The following KY variants were observed in gnomAD, a reference collection of about 807,000 sequenced individuals.
The protein encoded by KY is kyphoscoliosis peptidase.
In KY, 43 loss-of-function variants were observed where a neutral mutation model predicts 76.1. The ratio of observed to expected loss-of-function variants is 0.57; its 90% CI spans 0.44 to 0.73. The LOEUF (loss-of-function observed/expected upper bound fraction) is 0.73, where lower values mean the gene tolerates loss of function less well. Ranked by LOEUF, KY falls within the 30% of genes least tolerant of loss-of-function variation. The probability of loss-of-function intolerance (pLI) is 0.00; values close to 1 mark genes in which losing one functional copy is unlikely to be tolerated. For synonymous variants in KY, 277 were observed against 326.2 expected, an observed-to-expected ratio of 0.85 and a Z score of 1.63; for missense variants, 722 against 828.9, an observed-to-expected ratio of 0.87 and a Z score of 1.58.
chr3:134,624,515 C>T (rs974267148), intron 6 of KY, among the ~76,000 whole-genome samples: 1 of 152,212 alleles, frequency 6.6e-6, no homozygotes, highest in African/African-American at 2.4e-5. Context: ...TGCCTGGCTC[C>T]AATGACTTCC....
At chr3:134,619,043 T>TA in intron 8 of KY, 105 bp downstream of exon 8, 1 of 907,388 alleles carries the variant, frequency 1.1e-6, no homozygotes, top group Non-Finnish European at 1.8e-6. Flanking sequence ...GCAGAGTTTG[T>TA]AAACTCAGGT....
In KY at chr3:134,603,368, C is replaced by G; in HGVS notation, c.*211G>C. 1 of 496,328 alleles carries G rather than the reference C, an allele frequency of 2.0e-6. No individual in the cohort carries two copies. Among genetic ancestry groups the G allele is most frequent in the Non-Finnish European group, 3.5e-6 (1 of 282,152 alleles). 30.7% of individuals were successfully genotyped at this position (496,328 alleles called of 1,614,324 possible). On this transcript the variant is annotated 3_prime_UTR_variant, in exon 11 of 11. Transcript: ENST00000423778. ...ACCTTTTCCTTCTAAAGAGCCACTG[C>G]CTCTGCCCCCTCAGTCACAGCCACA...
chr3:134,636,741 C>A (rs1490657543), intron 3 of KY, among the ~76,000 whole-genome samples: 2 of 152,162 alleles, frequency 1.3e-5, no homozygotes, highest in African/African-American at 4.8e-5. Context: ...GTTTGTAATG[C>A]AAAAATAGAT....
intron 7 of KY, among the ~76,000 whole-genome samples, chr3:134,620,394 G>T (rs1962396624): frequency 6.6e-6 from 1 of 152,128 alleles, no homozygotes; most frequent in Non-Finnish European, 1.5e-5. Context: ...CCCACCAATG[G>T]TAATCCTTCT....
At chr3:134,637,542 C>T (rs555948586) in intron 3 of KY, among the ~76,000 whole-genome samples, 1 of 152,328 alleles carries the variant, frequency 6.6e-6, no homozygotes, top group South Asian at 2.1e-4. Context: ...TTGGAAAATG[C>T]TGGACTGGAA....
At chr3:134,616,943 T>C (rs1246449655) in intron 8 of KY, among the ~76,000 whole-genome samples, 5 of 152,178 alleles carry the variant, frequency 3.3e-5, no homozygotes, top group Non-Finnish European at 7.3e-5. Context: ...AATATATAGA[T>C]GAGAGCACTG....
In KY at chr3:134,620,386, C is replaced by A. The variant is rs936483837; in HGVS notation, c.592+363G>T. Among the ~76,000 whole-genome samples the A allele has an allele frequency of 2.0e-5, 3 of 152,320 alleles. No individual in the cohort carries two copies. The East Asian group carries it at 5.8e-4, about 29-fold the overall frequency. On this transcript the variant is annotated intron_variant, in intron 7 of 10. Transcript: ENST00000423778. ...TTTTCAAACAGCTGCAACTTCTCCCCACCAATGGTAATCCTTCTTGGAGAT... is the reference window on the plus strand; with the variant it reads ...TTTTCAAACAGCTGCAACTTCTCCCAACCAATGGTAATCCTTCTTGGAGAT...
At position 134,650,961 on chromosome 3, in the gene KY, G is replaced by T; in HGVS notation, c.-1C>A. On this transcript the variant is annotated 5_prime_UTR_variant, in exon 1 of 11. Coordinates refer to ENST00000423778, the MANE Select transcript of KY (RefSeq NM_178554.6). ...CGTTGATGTCCTTCTTCAGCTCCATGATGCCGCCTCCTTTCCGACCTGGGC... is the reference window on the plus strand; with the variant it reads ...CGTTGATGTCCTTCTTCAGCTCCATTATGCCGCCTCCTTTCCGACCTGGGC... 1 of 1,613,160 alleles carries T rather than the reference G, an allele frequency of 6.2e-7. No individual in the cohort carries two copies. Among genetic ancestry groups the T allele is most frequent in the Non-Finnish European group, 8.5e-7 (1 of 1,179,454 alleles).
In KY at chr3:134,603,838, C is replaced by T. The variant is rs758019408; in HGVS notation, c.1727G>A (p.Gly576Glu). The change falls in exon 11 of 11, where the codon GGA (glycine) becomes GAA (glutamate). Residue 576 changes from glycine to glutamate, a missense_variant. Around this residue, in one of 2 missense-constraint regions of KY, gnomAD observed 552 missense variants for 680.9 expected, o/e 0.81. Transcript: ENST00000423778. ...PMFPESFGNW[G>E]QDNELLEPLS... is the part of the protein sequence containing the mutation. ...AGGTTCCAGCAGCTCATTGTCCTGTCCCCAGTTGCCAAAGCTCTCAGGGAA... is the reference window on the plus strand; with the variant it reads ...AGGTTCCAGCAGCTCATTGTCCTGTTCCCAGTTGCCAAAGCTCTCAGGGAA... The T allele has an allele frequency of 6.2e-7, 1 of 1,613,994 alleles. No homozygotes were observed. Among genetic ancestry groups the T allele is most frequent in the South Asian group, 1.1e-5 (1 of 91,090 alleles).
rs757801787 is a variant in KY at position 134,603,940 on chromosome 3, C to T, written c.1625G>A (p.Arg542Lys). The change falls in exon 11 of 11, where the codon AGG (arginine) becomes AAG (lysine). Residue 542 changes from arginine (R) to lysine (K), a missense_variant. Transcript: ENST00000423778. ...GAAGATGTAGTTTCCTGGTTCCTGC[C>T]TCTTCTTGACAAAGATCTTGAGGGC... ...KFALKIFVKKRQEPGNYIFVF... is the reference protein window; with the variant it reads ...KFALKIFVKKKQEPGNYIFVF... The T allele has an allele frequency of 3.7e-6, 6 of 1,613,994 alleles. No individual in the cohort carries two copies. Among genetic ancestry groups the T allele is most frequent in the Non-Finnish European group, 5.1e-6 (6 of 1,179,878 alleles).
At chr3:134,643,723 C>A (rs1966067980) in intron 2 of KY, among the ~76,000 whole-genome samples, 1 of 152,196 alleles carries the variant, frequency 6.6e-6, no homozygotes, top group African/African-American at 2.4e-5. Flanking sequence ...GCACTGCATA[C>A]ACAGATGCCT....
At chr3:134,647,714 G>A (rs543053413) in intron 1 of KY, among the ~76,000 whole-genome samples, 1 of 152,202 alleles carries the variant, frequency 6.6e-6, no homozygotes, top group Admixed American at 6.5e-5. Context: ...AGGGCAGCAG[G>A]GTTGGTTATC....
chr3:134,637,235 A>C (rs1338110344), intron 3 of KY, among the ~76,000 whole-genome samples: 1 of 152,256 alleles, frequency 6.6e-6, no homozygotes, highest in African/African-American at 2.4e-5. Context: ...GGCATAATTC[A>C]GTTCTGGTCG....
Position 134,604,192 on chromosome 3 carries a change from G to A in KY, c.1373C>T (p.Ser458Leu), listed in dbSNP as rs758400378. ...LHQPVGPSWF[S>L]EQMGIMKPSH... is the part of the protein sequence containing the mutation. ...GGGCTTCATGATGCCCATCTGCTCC[G>A]AGAACCAGCTGGGGCCCACGGGCTG... The change falls in exon 11 of 11, where the codon TCG becomes TTG. Residue 458 changes from serine to leucine, a missense_variant. Physicochemically the swap from Ser to Leu is moderately radical, Grantham distance 145. Around this residue, in one of 2 missense-constraint regions of KY, gnomAD observed 552 missense variants for 680.9 expected, o/e 0.81. Transcript: ENST00000423778. 3.1e-6 allele frequency: 5 copies of A among 1,611,790 alleles called. No individual in the cohort carries two copies. Among genetic ancestry groups the A allele is most frequent in the Middle Eastern group, 1.7e-4 (1 of 5,910 alleles).
intron 3 of KY, among the ~76,000 whole-genome samples, chr3:134,630,454 G>A (rs1413924739): frequency 1.3e-5 from 2 of 152,168 alleles, no homozygotes; most frequent in Non-Finnish European, 2.9e-5. Context: ...ACACAGTTGT[G>A]GGGCCTATAT....
In KY at chr3:134,604,422, C is replaced by T. The variant is rs1433954480; in HGVS notation, c.1143G>A (p.Met381Ile). 1 of 1,613,780 alleles carries T rather than the reference C, an allele frequency of 6.2e-7. No homozygotes were observed. Among genetic ancestry groups the T allele is most frequent in the African/African-American group, 1.3e-5 (1 of 74,932 alleles). Residue 381 changes from methionine to isoleucine, a missense_variant, in exon 11 of 11, where the codon ATG (methionine) becomes ATA (isoleucine). Transcript: ENST00000423778. The part of the protein sequence containing the change: ...TIESCAPTLF[M>I]FMLNGKQEHG... The stretch of plus-strand genomic sequence containing the variant: ...GCTCTTGCTTGCCATTGAGCATGAA[C>T]ATGAACAGCGTCGGGGCGCAGCTCT...
At chr3:134,623,566 G>GC (rs1962989749) in intron 6 of KY, among the ~76,000 whole-genome samples, 1 of 139,660 alleles carries the variant, frequency 7.2e-6, no homozygotes, top group Admixed American at 7.3e-5. Flanking sequence ...ACCTTAGGAT[G>GC]CCCCCCTACT....
Position 134,610,187 on chromosome 3 carries a change from G to A in KY, c.899+8C>T. The A allele has an allele frequency of 6.2e-7, 1 of 1,610,498 alleles. No individual in the cohort carries two copies. The highest frequency in any genetic ancestry group is 8.5e-7 in the Non-Finnish European group (1 of 1,178,004). Reference sequence around the variant, plus strand: ...CAGACGCCCAGCAGAACTGAGACAAGTACTTACAGGAAGGTGAATTTGGAG... The same window carrying A: ...CAGACGCCCAGCAGAACTGAGACAAATACTTACAGGAAGGTGAATTTGGAG... On this transcript the variant is annotated splice_region_variant and intron_variant, in intron 9 of 10. Transcript: ENST00000423778.
At chr3:134,636,673 C>A (rs1216306665) in intron 3 of KY, among the ~76,000 whole-genome samples, 1 of 152,202 alleles carries the variant, frequency 6.6e-6, no homozygotes, top group Admixed American at 6.5e-5. Flanking sequence ...TTCTAGCTAA[C>A]CTGCAGATTG....
Sources: gnomAD v4.1 joint callset for allele counts (sites outside exome capture counted in the v4.1 genomes callset) on GRCh38, gnomAD v4.1.1 for gene constraint, gnomAD v4.1.1 regional missense constraint, MANE v1.5 for transcripts, NCBI Gene and HGNC (gene_info 2026-07-23, HGNC 2026-07-21) for gene names.